The following LRP1B variants were observed in gnomAD, a reference collection of about 807,000 sequenced individuals.
LRP1B encodes low-density lipoprotein receptor-related protein 1B.
A neutral mutation model predicts 556.6 loss-of-function variants in LRP1B; 217 were observed. The ratio of observed to expected loss-of-function variants is 0.39; its 90% CI spans 0.35 to 0.44. LRP1B has a LOEUF of 0.44. Ranked by LOEUF, LRP1B falls within the 20% of genes least tolerant of loss-of-function variation. The pLI, the probability that LRP1B is intolerant of heterozygous loss-of-function variation, is 1.00. For synonymous variants in LRP1B, 2,047 were observed against 1,865.8 expected, an observed-to-expected ratio of 1.10 and a Z score of -2.50; for missense variants, 5,053 against 5,620.8, an observed-to-expected ratio of 0.90 and a Z score of 3.23.
At chr2:141,394,059 C>A (rs1690154022) in intron 3 of LRP1B, among the ~76,000 whole-genome samples, 1 of 152,004 alleles carries the variant, frequency 6.6e-6, no homozygotes, top group Non-Finnish European at 1.5e-5. Flanking sequence ...TACTATGTCC[C>A]TGACTTAATT....
intron 32 of LRP1B, among the ~76,000 whole-genome samples, chr2:140,788,304 C>T (rs904794530): frequency 3.3e-5 from 5 of 152,044 alleles, no homozygotes; most frequent in African/African-American, 1.2e-4. Context: ...ATATTTCCAC[C>T]CACTATCAAT....
intron 89 of LRP1B, among the ~76,000 whole-genome samples, chr2:140,236,981 A>T (rs1385064691): frequency 1.3e-5 from 2 of 151,050 alleles, no homozygotes; most frequent in Non-Finnish European, 3.0e-5. Flanking sequence ...CAAAGTATTT[A>T]GCATATCTAT....
intron 3 of LRP1B, among the ~76,000 whole-genome samples, chr2:141,299,149 G>A (rs541099827): frequency 4.4e-4 from 67 of 152,160 alleles, no homozygotes; most frequent in Non-Finnish European, 7.1e-4. Context: ...ACTTCAGTAT[G>A]GCTAACTCTA....
At chr2:140,961,017 T>C (rs1405552728) in intron 18 of LRP1B, among the ~76,000 whole-genome samples, 4 of 151,522 alleles carry the variant, frequency 2.6e-5, no homozygotes, top group Non-Finnish European at 5.9e-5. Flanking sequence ...TTGTAGTTAA[T>C]ACAATTAACT....
At chr2:141,384,785 A>G (rs796549931) in intron 3 of LRP1B, among the ~76,000 whole-genome samples, 6 of 152,280 alleles carry the variant, frequency 3.9e-5, no homozygotes, top group African/African-American at 1.4e-4. Flanking sequence ...GTTTAGACAC[A>G]TGCCTTTGCT....
At chr2:140,514,059 C>A (rs114610001) in intron 51 of LRP1B, among the ~76,000 whole-genome samples, 2,391 of 151,966 alleles carry the variant, frequency 0.016, 58 homozygotes, top group African/African-American at 0.052. Flanking sequence ...GTGAATATTA[C>A]AAAGCAATCA....
chr2:140,825,827 A>G (rs1691484148), intron 31 of LRP1B, among the ~76,000 whole-genome samples: 1 of 152,230 alleles, frequency 6.6e-6, no homozygotes, highest in African/African-American at 2.4e-5. Context: ...GATAAACTAC[A>G]GAAAGGTTTG....
At chr2:141,039,202 G>C (rs115989966) in intron 11 of LRP1B, among the ~76,000 whole-genome samples, 2,017 of 152,010 alleles carry the variant, frequency 0.013, 44 homozygotes, top group African/African-American at 0.046. Flanking sequence ...TCACTTACTG[G>C]CCACCCAGGT....
chr2:141,152,045 T>A (rs982265321), intron 7 of LRP1B, among the ~76,000 whole-genome samples: 9 of 152,076 alleles, frequency 5.9e-5, no homozygotes, highest in African/African-American at 2.2e-4. Context: ...TCTGTCTGAA[T>A]GTATAACACA....
At chr2:140,652,047 T>A in intron 41 of LRP1B, among the ~76,000 whole-genome samples, 1 of 152,048 alleles carries the variant, frequency 6.6e-6, no homozygotes, top group South Asian at 2.1e-4. Flanking sequence ...AAATGTAAGT[T>A]TAAGAGATTT....
At chr2:141,446,675 G>T (rs140474710) in intron 3 of LRP1B, among the ~76,000 whole-genome samples, 3,804 of 152,232 alleles carry the variant, frequency 0.025, 164 homozygotes, top group African/African-American at 0.087. Flanking sequence ...ATGAAGCTTA[G>T]CTTGGCTGGA....
intron 41 of LRP1B, among the ~76,000 whole-genome samples, chr2:140,692,369 C>T (rs1686275679): frequency 6.6e-6 from 1 of 151,952 alleles, no homozygotes; most frequent in Non-Finnish European, 1.5e-5. Flanking sequence ...AACCATTATT[C>T]TCTCTAAAAG....
In LRP1B at chr2:140,623,415, T is replaced by A. The variant is rs572513831; in HGVS notation, c.6800-21776A>T. Among the ~76,000 whole-genome samples the A allele has an allele frequency of 4.6e-5, 7 of 152,252 alleles. No homozygotes were observed. The East Asian group carries it at 1.4e-3, about 29-fold the overall frequency. ...TAAAAAAGATATAATTTTTTCTCCT[T>A]ATCTAGTACACCAGATAAAAATTAA... On this transcript the variant is annotated intron_variant, in intron 41 of 90. Transcript: ENST00000389484.
intron 1 of LRP1B, among the ~76,000 whole-genome samples, chr2:142,107,784 C>A (rs1031565323): frequency 2.1e-5 from 3 of 145,038 alleles, no homozygotes; most frequent in Non-Finnish European, 4.5e-5. Flanking sequence ...CCCACCACCA[C>A]GCCTAGCTAA....
At chr2:141,886,705 G>C (rs995555319) in intron 1 of LRP1B, among the ~76,000 whole-genome samples, 1 of 152,032 alleles carries the variant, frequency 6.6e-6, no homozygotes, top group African/African-American at 2.4e-5. Flanking sequence ...AAATTCCTTT[G>C]CTTAATAGCC....
intron 25 of LRP1B, among the ~76,000 whole-genome samples, chr2:140,881,165 T>G (rs996680927): frequency 2.0e-5 from 3 of 152,066 alleles, no homozygotes; most frequent in African/African-American, 7.2e-5. Flanking sequence ...TATGTTTATA[T>G]TGTACATAGC....
chr2:140,514,315 C>T (rs1278070582), intron 51 of LRP1B, among the ~76,000 whole-genome samples: 1 of 151,758 alleles, frequency 6.6e-6, no homozygotes, highest in Non-Finnish European at 1.5e-5. Context: ...CTTGGTGGTA[C>T]ATAGGCAGCA....
At chr2:140,286,160 G>C (rs140760162) in intron 84 of LRP1B, among the ~76,000 whole-genome samples, 1 of 151,834 alleles carries the variant, frequency 6.6e-6, no homozygotes, top group Non-Finnish European at 1.5e-5. Context: ...ATAAATGAGC[G>C]CTTCCCCTTG....
intron 43 of LRP1B, among the ~76,000 whole-genome samples, chr2:140,564,049 T>C (rs1681036938): frequency 6.6e-6 from 1 of 152,156 alleles, no homozygotes; most frequent in Admixed American, 6.5e-5. Flanking sequence ...TCTCCTCTGA[T>C]AGTAATATAG....
Sources: allele counts gnomAD v4.1 joint callset (sites outside exome capture counted in the v4.1 genomes callset), GRCh38; gene constraint gnomAD v4.1.1; transcripts MANE v1.5; gene names NCBI Gene and HGNC (gene_info 2026-07-23, HGNC 2026-07-21).